MAPK10: variants seen among roughly 807,000 people sequenced by gnomAD.
The protein encoded by MAPK10 is JNK3 alpha protein kinase.
A neutral mutation model predicts 59.3 loss-of-function variants in MAPK10; 25 were observed. The ratio of observed to expected loss-of-function variants is 0.42; its 90% CI spans 0.31 to 0.59. The LOEUF is 0.59. MAPK10 is among the 20% of genes least tolerant of loss of function. The pLI, the probability that MAPK10 is intolerant of heterozygous loss-of-function variation, is 0.15. For synonymous variants in MAPK10, 190 were observed against 200.5 expected, an observed-to-expected ratio of 0.95 and a Z score of 0.44; for missense variants, 351 against 568.9, an observed-to-expected ratio of 0.62 and a Z score of 3.90.
intron 1 of MAPK10, among the ~76,000 whole-genome samples, chr4:86,551,627 A>C (rs545904559): frequency 2.4e-4 from 34 of 143,036 alleles, no homozygotes; most frequent in African/African-American, 8.7e-4. Context: ...TCTTTTTGAG[A>C]TGGAGTCTCA....
In MAPK10 at chr4:86,075,979, G is replaced by A. The variant is rs1214800325; in HGVS notation, c.803-8024C>T. Among the ~76,000 whole-genome samples the A allele has an allele frequency of 4.6e-5, 7 of 151,710 alleles. No homozygotes were observed. In the East Asian group the frequency reaches 1.2e-3, roughly 25 times the overall value. On this transcript the variant is annotated intron_variant, in intron 9 of 13. Coordinates refer to ENST00000641462, the MANE Select transcript of MAPK10 (RefSeq NM_138982.4). The stretch of plus-strand genomic sequence containing the variant: ...TAAGCAAGCCTGGGCAATGGCGGGC[G>A]CCCCTCCCCCAGCCCTCCTGGGGCC...
At chr4:86,557,712 G>A (rs1220009965) in intron 1 of MAPK10, among the ~76,000 whole-genome samples, 3 of 152,060 alleles carry the variant, frequency 2.0e-5, no homozygotes, top group South Asian at 2.1e-4. Flanking sequence ...AATATAGAGT[G>A]TAGAGGTGAC....
chr4:86,241,917 T>C (rs188170839), intron 2 of MAPK10, among the ~76,000 whole-genome samples: 32 of 152,328 alleles, frequency 2.1e-4, no homozygotes, highest in African/African-American at 7.2e-4. Context: ...TCTGGTCTTT[T>C]GGGTTTTCAG....
At chr4:86,520,884 C>CG (rs1564981843) in intron 1 of MAPK10, among the ~76,000 whole-genome samples, 2 of 152,112 alleles carry the variant, frequency 1.3e-5, no homozygotes, top group East Asian at 3.9e-4. Flanking sequence ...TATTGCCCTT[C>CG]GGGGTCTAGT....
intron 1 of MAPK10, among the ~76,000 whole-genome samples, chr4:86,417,186 C>T (rs1745968870): frequency 6.6e-6 from 1 of 151,992 alleles, no homozygotes; most frequent in East Asian, 1.9e-4. Flanking sequence ...TGAAAGTGTG[C>T]TATTTGCATA....
chr4:86,563,990 C>T (rs987465082), intron 1 of MAPK10, among the ~76,000 whole-genome samples: 2 of 152,116 alleles, frequency 1.3e-5, no homozygotes. Flanking sequence ...TGCCACCACA[C>T]CCGGCTAATT....
chr4:86,488,274 C>T (rs552682533), intron 1 of MAPK10, among the ~76,000 whole-genome samples: 1 of 152,284 alleles, frequency 6.6e-6, no homozygotes, highest in Non-Finnish European at 1.5e-5. Context: ...ATTCTCTCGA[C>T]ACAGCTGATG....
chr4:86,133,113 GA>G (rs975438979), intron 4 of MAPK10, among the ~76,000 whole-genome samples: 24 of 151,890 alleles, frequency 1.6e-4, no homozygotes, highest in African/African-American at 2.4e-4. Context: ...TTGTGAAGCT[GA>G]AAAAAATATT....
chr4:86,549,253 C>T (rs1759563876), intron 1 of MAPK10, among the ~76,000 whole-genome samples: 1 of 152,102 alleles, frequency 6.6e-6, no homozygotes, highest in African/African-American at 2.4e-5. Flanking sequence ...AGGGATATAT[C>T]CTTCCAAATG....
intron 4 of MAPK10, among the ~76,000 whole-genome samples, chr4:86,144,825 C>A (rs866268325): frequency 2.0e-4 from 30 of 152,100 alleles, no homozygotes; most frequent in African/African-American, 7.2e-4. Flanking sequence ...GATCCAGAAA[C>A]TCCATGTTTG....
intron 9 of MAPK10, chr4:86,090,864 A>G (rs1366285832): frequency 6.6e-6 from 1 of 152,148 alleles, no homozygotes; most frequent in Non-Finnish European, 1.5e-5. Flanking sequence ...GGTTTCTGCC[A>G]TTAACCTGTC....
At chr4:86,352,529 A>C (rs1732089500) in intron 2 of MAPK10, among the ~76,000 whole-genome samples, 1 of 152,164 alleles carries the variant, frequency 6.6e-6, no homozygotes, top group Non-Finnish European at 1.5e-5. Flanking sequence ...GCACAGATAG[A>C]TGGAAAACCT....
intron 10 of MAPK10, chr4:86,065,146 C>CA (rs2046487707): frequency 1.8e-5 from 2 of 114,030 alleles, no homozygotes; most frequent in African/African-American, 8.7e-5. Context: ...ACTCTGGGCT[C>CA]AAAGATCCTC....
At chr4:86,231,274 TA>T (rs2091493621) in intron 2 of MAPK10, among the ~76,000 whole-genome samples, 1 of 152,188 alleles carries the variant, frequency 6.6e-6, no homozygotes, top group Admixed American at 6.5e-5. Flanking sequence ...ATACTTATAC[TA>T]AAAAATTGCT....
chr4:86,396,230 T>C (rs1742917259), intron 1 of MAPK10, among the ~76,000 whole-genome samples: 1 of 151,992 alleles, frequency 6.6e-6, no homozygotes, highest in African/African-American at 2.4e-5. Context: ...GCCTGTAGTC[T>C]CAGCTACTCG....
chr4:86,590,857 C>T (rs1245240546), intron 1 of MAPK10, among the ~76,000 whole-genome samples: 1 of 151,978 alleles, frequency 6.6e-6, no homozygotes, highest in Non-Finnish European at 1.5e-5. Flanking sequence ...GATAATTATA[C>T]ATTCTTTCAA....
intron 1 of MAPK10, among the ~76,000 whole-genome samples, chr4:86,510,344 C>T (rs1039474487): frequency 1.3e-4 from 20 of 152,016 alleles, no homozygotes; most frequent in Non-Finnish European, 7.4e-5. Flanking sequence ...AACTCCTGGC[C>T]TCAAGCGATT....
Position 86,494,842 on chromosome 4 carries a change from CAAAAAAAAAAAAAAAAAAAAA to C in MAPK10, c.-263+99047_-263+99067del, listed in dbSNP as rs567947232. Among the ~76,000 whole-genome samples the C allele has an allele frequency of 3.5e-3, 85 of 23,990 alleles. 1 individual carries two copies. The East Asian group carries it at 0.084, about 24-fold the overall frequency. 15.7% of individuals were successfully genotyped at this position (23,990 alleles called of 152,430 possible). ...TGGGCGACAGAGAGAGACTCCGTCT[CAAAAAAAAAAAAAAAAAAAAA>C]AAAAAAAAAAAAAAAAAGCTTCACA... is the stretch of plus-strand genomic sequence containing the variant. On this transcript the variant is annotated intron_variant, in intron 1 of 4. Coordinates refer to the MAPK10 transcript ENST00000502302.
chr4:86,532,041 ATATATATATTATTTTT>A (rs919894620), intron 1 of MAPK10, among the ~76,000 whole-genome samples: 9 of 147,988 alleles, frequency 6.1e-5, no homozygotes, highest in African/African-American at 2.2e-4. Context: ...TTTTAATTAC[ATATATATATTATTTTT>A]TATATATATT....
Sources: allele counts gnomAD v4.1 joint callset (sites outside exome capture counted in the v4.1 genomes callset), GRCh38; gene constraint gnomAD v4.1.1; transcripts MANE v1.5; gene names NCBI Gene and HGNC (gene_info 2026-07-23, HGNC 2026-07-21).